The following ACSL6 variants were observed in gnomAD, a reference collection of about 807,000 sequenced individuals.
ACSL6 encodes acyl-CoA synthetase long chain family member 6.
Under a neutral mutation model 98.2 loss-of-function variants are expected in ACSL6, and 47 were observed. The ratio of observed to expected loss-of-function variants is 0.48; its 90% CI spans 0.38 to 0.61. ACSL6 has a LOEUF of 0.61. Ranked by LOEUF, ACSL6 falls within the 20% of genes least tolerant of loss-of-function variation. ACSL6 has a pLI of 0.00. For synonymous variants in ACSL6, 362 were observed against 336.9 expected (o/e 1.07, Z -0.82); for missense variants, 761 against 913.4 (o/e 0.83, Z 2.15).
At chr5:131,993,578 T>G (rs1484854843) in intron 2 of ACSL6, among the ~76,000 whole-genome samples, 1 of 152,210 alleles carries the variant, frequency 6.6e-6, no homozygotes, top group East Asian at 1.9e-4. Context: ...CCTTGTCCAC[T>G]GGCCCTTGTA....
intron 13 of ACSL6, 35 bp from the exon 14 acceptor site, chr5:131,971,680 A>C: frequency 6.4e-7 from 1 of 1,557,070 alleles, no homozygotes; most frequent in Non-Finnish European, 8.7e-7. Context: ...AAATTTTGTG[A>C]TGTCTGAGAT....
At chr5:131,998,658 C>T (rs1754911550) in intron 1 of ACSL6, among the ~76,000 whole-genome samples, 1 of 152,142 alleles carries the variant, frequency 6.6e-6, no homozygotes, top group Non-Finnish European at 1.5e-5. Flanking sequence ...AGCTGGATAC[C>T]CGACCACTCC....
chr5:131,988,991 C>A, intron 5 of ACSL6, 87 bp from the exon 6 acceptor site: 1 of 1,194,346 alleles, frequency 8.4e-7, no homozygotes, highest in South Asian at 1.3e-5. Context: ...AGCGTCCCTG[C>A]TCTAAGCCCT....
At chr5:131,992,046 CTG>C (rs1251829188) in intron 2 of ACSL6, among the ~76,000 whole-genome samples, 1 of 152,158 alleles carries the variant, frequency 6.6e-6, no homozygotes, top group African/African-American at 2.4e-5. Flanking sequence ...AGGCTCAACA[CTG>C]GGCATGTGTG....
rs1157213912 is a variant in ACSL6, at chr5:131,959,579, A to G, written c.1988T>C (p.Met663Thr). The change falls in exon 20 of 21, where the codon ATG becomes ACG. Residue 663 changes from methionine to threonine, a missense_variant. Physicochemically the swap from Met to Thr is moderately conservative, Grantham distance 81 (BLOSUM62 -1). Coordinates refer to ENST00000651883, the MANE Select transcript of ACSL6 (RefSeq NM_001009185.3). ...KDLKKAILED[M>T]VRLGKESGLH... is the part of the protein sequence containing the mutation. The stretch of plus-strand genomic sequence containing the variant: ...TCCACTTTCTTTTCCTAACCTCACC[A>G]TATCTTCCAAAATGGCTTTCTTCAG... The G allele has an allele frequency of 4.3e-6, 7 of 1,614,102 alleles. No individual in the cohort carries two copies. Among genetic ancestry groups the G allele is most frequent in the South Asian group, 2.2e-5 (2 of 91,084 alleles).
rs753721602 is a variant in ACSL6, at chr5:131,988,977, A to G, written c.553-73T>C. On this transcript the variant is annotated intron_variant, in intron 5 of 20. Coordinates refer to ENST00000651883, the MANE Select transcript of ACSL6 (RefSeq NM_001009185.3). ...GGCTGTCCTGCCCTTAGGCCTAGGT[A>G]ACCAGCGTCCCTGCTCTAAGCCCTA... is the stretch of plus-strand genomic sequence containing the variant. 63 of 1,363,184 alleles carry G rather than the reference A, an allele frequency of 4.6e-5. No homozygotes were observed. In the Admixed American group the frequency reaches 7.6e-4, roughly 16 times the overall value. The allele number at this position is 1,363,184 out of a possible 1,614,324, so 84.4% of individuals were successfully genotyped here. A position where few individuals can be genotyped will look rare whatever the true frequency, so the allele number is the denominator to read the frequency against.
At chr5:132,000,493 T>G (rs764685833) in intron 1 of ACSL6, among the ~76,000 whole-genome samples, 1 of 150,896 alleles carries the variant, frequency 6.6e-6, no homozygotes, top group African/African-American at 2.4e-5. Flanking sequence ...GTCTCACTAC[T>G]GCAAGATCTG....
rs1000084358 is a variant in ACSL6 at position 131,952,511 on chromosome 5, A to G, written c.*1723T>C. 49 of 215,996 alleles carry G rather than the reference A, an allele frequency of 2.3e-4. No homozygotes were observed. Among genetic ancestry groups the G allele is most frequent in the South Asian group, 3.7e-4 (2 of 5,360 alleles). The allele number at this position is 215,996 out of a possible 1,614,324, so 13.4% of individuals were successfully genotyped here. A position where few individuals can be genotyped will look rare whatever the true frequency, so the allele number is the denominator to read the frequency against. ...TCCTCCAAGGGAAAGGAGCTTCTAG[A>G]CTACAAACACTGAGCACATACATTT... is the stretch of plus-strand genomic sequence containing the variant. On this transcript the variant is annotated 3_prime_UTR_variant, in exon 21 of 21. Transcript: ENST00000651883.
rs376934992 is a variant in ACSL6 at position 131,988,841 on chromosome 5, G to A, written c.616C>T (p.Leu206=). Residue 206 remains leucine, a synonymous_variant, in exon 6 of 21, where the codon CTG becomes TTG. Transcript: ENST00000651883. ...ATGTAGCGGATAGCCCCAGGGCCCA[G>A]GGTGTCATAGAGCGGGACCACCACC... ...SMVVVPLYDT[L]GPGAIRYIIN... 2.5e-6 allele frequency: 4 copies of A among 1,613,878 alleles called. No individual in the cohort carries two copies. The African/African-American group carries it at 4.0e-5, about 16-fold the overall frequency.
At chr5:131,957,580 G>A (rs1421484594) in intron 20 of ACSL6, among the ~76,000 whole-genome samples, 1 of 152,206 alleles carries the variant, frequency 6.6e-6, no homozygotes, top group Non-Finnish European at 1.5e-5. Flanking sequence ...ACCAAGTCCA[G>A]TAAGTCTGAA....
At chr5:131,971,803 G>A (rs920138720) in intron 13 of ACSL6, among the ~76,000 whole-genome samples, 158 bp from the exon 14 acceptor site, 1 of 152,194 alleles carries the variant, frequency 6.6e-6, no homozygotes, top group Non-Finnish European at 1.5e-5. Context: ...CACACGAGCT[G>A]AGGAAACTCC....
Position 131,985,264 on chromosome 5 carries a change from AG to A in ACSL6, c.916+142del, listed in dbSNP as rs199594633. 7 of 950,816 alleles carry A rather than the reference AG, an allele frequency of 7.4e-6. No individual in the cohort carries two copies. The Admixed American group carries it at 8.5e-5, about 12-fold the overall frequency. The allele number at this position is 950,816 out of a possible 1,614,324, so 58.9% of individuals were successfully genotyped here. A position where few individuals can be genotyped will look rare whatever the true frequency, so the allele number is the denominator to read the frequency against. ...TATGCAGGGCACTGGGAGGTGCAGGAGGTCACCCAGTGTCTGGAGCCAGGAA... is the reference window on the plus strand; with the variant it reads ...TATGCAGGGCACTGGGAGGTGCAGGAGTCACCCAGTGTCTGGAGCCAGGAA... On this transcript the variant is annotated intron_variant, in intron 9 of 20. Transcript: ENST00000651883.
chr5:131,991,771 C>T (rs912543770), intron 2 of ACSL6, among the ~76,000 whole-genome samples: 10 of 152,218 alleles, frequency 6.6e-5, no homozygotes, highest in South Asian at 2.1e-4. Flanking sequence ...ATTTGAGCTA[C>T]CCTGGGCTGG....
At chr5:131,989,009 T>A in intron 5 of ACSL6, 105 bp from the exon 6 acceptor site, 2 of 974,770 alleles carry the variant, frequency 2.1e-6, no homozygotes, top group Non-Finnish European at 1.6e-6. Context: ...CCTATGCCTG[T>A]GGCAAGGAAT....
At chr5:131,990,027 C>T in intron 4 of ACSL6, 73 bp downstream of exon 4, 2 of 1,511,960 alleles carry the variant, frequency 1.3e-6, no homozygotes, top group East Asian at 2.3e-5. Context: ...CAGGTGCCCA[C>T]ATCCCTCCCT....
intron 1 of ACSL6, among the ~76,000 whole-genome samples, chr5:131,998,273 A>C (rs184165933): frequency 5.7e-4 from 87 of 152,078 alleles, no homozygotes; most frequent in Middle Eastern, 3.4e-3. Flanking sequence ...GTAAATATTC[A>C]CCTGGCAGGA....
At chr5:131,994,883 C>T (rs1470353453) in intron 1 of ACSL6, among the ~76,000 whole-genome samples, 1 of 152,170 alleles carries the variant, frequency 6.6e-6, no homozygotes, top group African/African-American at 2.4e-5. Flanking sequence ...CTGCACTGTC[C>T]CTCACCGACT....
At position 131,988,227 on chromosome 5, in the gene ACSL6, CT is replaced by C; in HGVS notation, c.653-2del. On this transcript the variant is annotated splice_acceptor_variant, in intron 6 of 20. Transcript: ENST00000651883. LOFTEE classifies it high-confidence loss of function. ...TCCACAATCACGGTGCTGATGTCCGCTGCAGGGGGCCATCAAGGAGAGTCAG... is the reference window on the plus strand; with the variant it reads ...TCCACAATCACGGTGCTGATGTCCGCGCAGGGGGCCATCAAGGAGAGTCAG... 1 of 1,613,876 alleles carries C rather than the reference CT, an allele frequency of 6.2e-7. No individual in the cohort carries two copies. The highest frequency in any genetic ancestry group is 8.5e-7 in the Non-Finnish European group (1 of 1,179,798).
chr5:131,980,827 C>G (rs573841094), intron 9 of ACSL6, among the ~76,000 whole-genome samples: 1 of 152,262 alleles, frequency 6.6e-6, no homozygotes, highest in South Asian at 2.1e-4. Context: ...TCTTGGGCCT[C>G]CCCAAGGATC....
Sources: gnomAD v4.1 joint callset for allele counts (sites outside exome capture counted in the v4.1 genomes callset) on GRCh38, gnomAD v4.1.1 for gene constraint, MANE v1.5 for transcripts, NCBI Gene and HGNC (gene_info 2026-07-23, HGNC 2026-07-21) for gene names.